PCID2: variants seen among roughly 807,000 people sequenced by gnomAD.
The protein encoded by PCID2 is PCI domain-containing protein 2.
PCID2 carries 41 observed loss-of-function variants against 61.3 expected under a neutral mutation model. The observed-to-expected ratio is 0.67, with a 90% confidence interval of 0.52 to 0.87. The LOEUF is 0.87. Ranked by LOEUF, PCID2 falls within the 40% of genes least tolerant of loss-of-function variation. PCID2 has a pLI of 0.00. For missense variants in PCID2, 392 were observed against 493.4 expected (o/e 0.79, Z 1.95); for synonymous variants, 187 against 177.8 (o/e 1.05, Z -0.41).
At chr13:113,175,515 G>T (rs1185549342), downstream of PCID2, among the ~76,000 whole-genome samples, 2 of 152,220 alleles carry the variant, frequency 1.3e-5, no homozygotes, top group Non-Finnish European at 2.9e-5. Context: ...CAGCAGGGAA[G>T]ATCAGATTTC....
At chr13:113,189,049 T>C (rs1166112842) in intron 7 of PCID2, among the ~76,000 whole-genome samples, 1 of 152,100 alleles carries the variant, frequency 6.6e-6, no homozygotes, top group Non-Finnish European at 1.5e-5. Flanking sequence ...GGTGGACCCC[T>C]CATGAATGGC....
intron 1 of PCID2, 151 bp from the exon 2 acceptor site, chr13:113,200,667 T>C: frequency 1.9e-6 from 1 of 536,328 alleles, no homozygotes. Context: ...AGATGGTCAC[T>C]ACTCTCTGCA....
intron 8 of PCID2, among the ~76,000 whole-genome samples, chr13:113,185,118 G>T (rs2037990544): frequency 6.6e-6 from 1 of 152,220 alleles, no homozygotes; most frequent in African/African-American, 2.4e-5. Flanking sequence ...CCATCTACGT[G>T]CCTGCTTTTC....
intron 9 of PCID2, among the ~76,000 whole-genome samples, chr13:113,182,384 G>A (rs543603162): frequency 6.6e-6 from 1 of 152,204 alleles, no homozygotes; most frequent in Non-Finnish European, 1.5e-5. Flanking sequence ...GATTCACTGA[G>A]AGTCTGCAAT....
intron 1 of PCID2, among the ~76,000 whole-genome samples, chr13:113,207,725 A>C (rs1162640350): frequency 1.3e-5 from 2 of 152,218 alleles, no homozygotes; most frequent in Non-Finnish European, 1.5e-5. Flanking sequence ...AGTTGTCAAC[A>C]GACACCTCAA....
At chr13:113,173,223 T>C (rs2037144591), downstream of PCID2, among the ~76,000 whole-genome samples, 1 of 152,222 alleles carries the variant, frequency 6.6e-6, no homozygotes, top group African/African-American at 2.4e-5. Context: ...ACGTGCTGAA[T>C]CACAGTAAAC....
chr13:113,190,400 A>T (rs1041195087), intron 7 of PCID2, among the ~76,000 whole-genome samples: 1 of 152,190 alleles, frequency 6.6e-6, no homozygotes, highest in African/African-American at 2.4e-5. Context: ...AAAGTGCCAA[A>T]AGGAAAAAAC....
Position 113,180,195 on chromosome 13 carries a change from G to A in PCID2, c.823C>T (p.His275Tyr). The A allele has an allele frequency of 6.2e-7, 1 of 1,613,884 alleles. No individual in the cohort carries two copies. The highest frequency in any genetic ancestry group is 8.5e-7 in the Non-Finnish European group (1 of 1,179,808). ...MPTVELLKKY[H>Y]LMQFAEVTRA... is the part of the protein sequence containing the mutation. ...GTTACTTCCGCAAACTGCATCAGGT[G>A]ATACTTTTTCAGGAGCTCCACAGTG... Residue 275 changes from histidine to tyrosine, a missense_variant, in exon 11 of 14, where the codon CAC (histidine) becomes TAC (tyrosine). Around this residue, in one of 3 missense-constraint regions of PCID2, gnomAD observed 226 missense variants for 296.5 expected, o/e 0.76. Transcript: ENST00000337344.
the PCID2 span, chr13:113,172,273 T>C: frequency 1.2e-6 from 1 of 864,980 alleles, no homozygotes; most frequent in South Asian, 1.5e-5. Flanking sequence ...CTGGGTTGTT[T>C]ACCGAGCACT....
chr13:113,186,542 C>T (rs1364574773), intron 7 of PCID2: 2 of 136,734 alleles, frequency 1.5e-5, no homozygotes, highest in Non-Finnish European at 3.3e-5. Context: ...TGAGATGGGG[C>T]CCTACGGAGT....
intron 1 of PCID2, 96 bp from the exon 2 acceptor site, chr13:113,200,612 C>A: frequency 2.0e-5 from 14 of 705,522 alleles, no homozygotes; most frequent in Non-Finnish European, 3.2e-5. Context: ...GGGGAAAATT[C>A]ATTTTCCCCT....
chr13:113,197,380 G>A (rs2039093651), intron 3 of PCID2, 137 bp from the exon 4 acceptor site: 2 of 665,158 alleles, frequency 3.0e-6, no homozygotes, highest in Admixed American at 2.2e-5. Context: ...ACAAATGGCT[G>A]AACACAAACA....
chr13:113,200,427 T>C lies in PCID2; in HGVS notation c.126A>G (p.Gln42=). 1 of 1,592,276 alleles carries C rather than the reference T, an allele frequency of 6.3e-7. No individual in the cohort carries two copies. The highest frequency in any genetic ancestry group is 8.6e-7 in the Non-Finnish European group (1 of 1,160,054). The change falls in exon 2 of 14, where the codon CAA becomes CAG. Residue 42 remains glutamine, a splice_region_variant and synonymous_variant. Transcript: ENST00000337344. ...KHPHVANPRL[Q]MASPEEKCQQ... ...CTGTGTGCACAGCTCTTTCACCTAC[T>C]TGAAGTCGTGGGTTTGCAACATGAG...
downstream of PCID2, among the ~76,000 whole-genome samples, chr13:113,176,873 G>A (rs534916771): frequency 3.3e-4 from 50 of 152,278 alleles, no homozygotes; most frequent in African/African-American, 1.0e-3. Flanking sequence ...GAAGCCGACC[G>A]TGCTGGCAAC....
At chr13:113,187,468 T>A (rs2038220200) in intron 7 of PCID2, 3 of 152,184 alleles carry the variant, frequency 2.0e-5, no homozygotes, top group African/African-American at 7.2e-5. Flanking sequence ...TCTCCCTGCA[T>A]CCTCACTGGC....
At chr13:113,172,522 ACCT>A in the PCID2 span, 2 of 296,112 alleles carry the variant, frequency 6.8e-6, no homozygotes, top group Non-Finnish European at 1.3e-5. Context: ...GCAGAAAGTG[ACCT>A]CCTCTGTTGG....
intron 7 of PCID2, chr13:113,186,413 CAT>C (rs759747630): frequency 1.4e-4 from 21 of 152,356 alleles, no homozygotes; most frequent in South Asian, 6.2e-4. Flanking sequence ...GAAACAGTCA[CAT>C]GTTACACAAC....
Position 113,196,239 on chromosome 13 carries a change from G to A in PCID2, c.267-17C>T, listed in dbSNP as rs777443313. 6.4e-7 allele frequency: 1 copy of A among 1,569,768 alleles called. No homozygotes were observed. Among genetic ancestry groups the A allele is most frequent in the Non-Finnish European group, 8.7e-7 (1 of 1,147,096 alleles). ...AAGAATGATGTACTGTATTAAGGAA[G>A]ATATGGCATACAAAGTTCAAATAAT... On this transcript the variant is annotated splice_polypyrimidine_tract_variant and intron_variant, in intron 4 of 13. Coordinates refer to ENST00000337344, the MANE Select transcript of PCID2 (RefSeq NM_001127202.4).
the PCID2 span, among the ~76,000 whole-genome samples, chr13:113,165,412 G>A: frequency 7.2e-5 from 11 of 152,130 alleles, no homozygotes; most frequent in East Asian, 1.9e-4. Flanking sequence ...CTCTGCTCTC[G>A]GCTGCTGGCC....
Sources: allele counts gnomAD v4.1 joint callset (sites outside exome capture counted in the v4.1 genomes callset), GRCh38; gene constraint gnomAD v4.1.1; regional missense constraint gnomAD v4.1.1; transcripts MANE v1.5; gene names NCBI Gene and HGNC (gene_info 2026-07-23, HGNC 2026-07-21).